The following SLC25A53 variants were observed in gnomAD, a reference collection of about 807,000 sequenced individuals.
SLC25A53 encodes the protein mitochondrial carrier triple repeat protein 6.
In SLC25A53, 5 loss-of-function variants were observed where a neutral mutation model predicts 15.0. That is an observed-to-expected ratio of 0.33 (90% CI 0.17 to 0.70). SLC25A53 has a LOEUF of 0.70. Ranked by LOEUF, SLC25A53 falls within the 30% of genes least tolerant of loss-of-function variation. The pLI is 0.67. For missense variants in SLC25A53, 216 were observed against 241.6 expected, an observed-to-expected ratio of 0.89 and a Z score of 0.70; for synonymous variants, 95 against 100.0, an observed-to-expected ratio of 0.95 and a Z score of 0.30.
intron 1 of SLC25A53, among the ~76,000 whole-genome samples, chrX:104,108,829 A>G (rs2075324808): frequency 8.9e-6 from 1 of 111,878 alleles, no homozygotes; most frequent in African/African-American, 3.3e-5. Context: ...TGGTCTGCTC[A>G]CAAACATGTA....
chrX:104,115,188 A>C, intron 1 of SLC25A53: 1 of 1,210,027 alleles, frequency 8.3e-7, no homozygotes, highest in South Asian at 1.8e-5. Context: ...GCCACTCAAA[A>C]GAAACCTGTG....
intron 1 of SLC25A53, chrX:104,131,149 G>C (rs1417607164): frequency 8.9e-6 from 1 of 111,753 alleles, no homozygotes; most frequent in Non-Finnish European, 1.9e-5. Context: ...TGGGCTGTGC[G>C]TTCTCTCTCC....
chrX:104,151,787 A>G (rs1330271822), intron 1 of SLC25A53, among the ~76,000 whole-genome samples: 1 of 112,145 alleles, frequency 8.9e-6, no homozygotes, highest in Non-Finnish European at 1.9e-5. Context: ...TTAAATCATT[A>G]CTACTCAGGC....
At chrX:104,115,194 C>T (rs782526333) in intron 1 of SLC25A53, 20 of 1,207,692 alleles carry the variant, frequency 1.7e-5, no homozygotes, top group Non-Finnish European at 1.1e-5. Flanking sequence ...CAAAAGAAAC[C>T]TGTGACAATG....
rs1383909484 is a variant in SLC25A53 at position 104,103,757 on chromosome X, C to T, written c.*577G>A. ...TCCAGCCCCACTAGTTCTTGTGGCACCTGACGAGTTCATGCAAGCCTAATT... is the reference window on the plus strand; with the variant it reads ...TCCAGCCCCACTAGTTCTTGTGGCATCTGACGAGTTCATGCAAGCCTAATT... On this transcript the variant is annotated 3_prime_UTR_variant, in exon 2 of 2. Transcript: ENST00000594199. 10 of 112,881 alleles carry T rather than the reference C, an allele frequency of 8.9e-5. No homozygotes were observed. Among genetic ancestry groups the T allele is most frequent in the Admixed American group, 3.7e-4 (4 of 10,728 alleles). 9.3% of individuals were successfully genotyped at this position (112,881 alleles called of 1,213,427 possible).
chrX:104,122,562 GACT>G (rs1221854280), intron 1 of SLC25A53, among the ~76,000 whole-genome samples: 6 of 110,832 alleles, frequency 5.4e-5, no homozygotes, highest in Non-Finnish European at 7.5e-5. Context: ...TCCGTAATGA[GACT>G]ACTTCAGCCC....
chrX:104,119,626 T>C (rs1376935504), intron 1 of SLC25A53, among the ~76,000 whole-genome samples: 1 of 107,814 alleles, frequency 9.3e-6, no homozygotes, highest in Non-Finnish European at 1.9e-5. Context: ...ATTTCATTCT[T>C]ACAACAAGCC....
intron 1 of SLC25A53, among the ~76,000 whole-genome samples, chrX:104,154,018 G>A (rs187239488): frequency 1.8e-5 from 2 of 111,948 alleles, no homozygotes; most frequent in East Asian, 2.8e-4. Flanking sequence ...AAATGTTTCC[G>A]CACAGCAAAG....
chrX:104,104,685 T>G lies in SLC25A53; in HGVS notation c.573A>C (p.Leu191=). ...VLARNSLGSA[L]YFSFKDPIQD... is the part of the protein sequence containing the mutation. The stretch of plus-strand genomic sequence containing the variant: ...GGATGGGGTCCTTGAAAGAAAAATA[T>G]AGAGCACTCCCCAGGCTGTTCCTGG... Residue 191 remains leucine, a synonymous_variant, in exon 2 of 2, where the codon CTA becomes CTC. Coordinates refer to ENST00000594199, the MANE Select transcript of SLC25A53 (RefSeq NM_001012755.5). 8.3e-7 allele frequency: 1 copy of G among 1,211,140 alleles called. No individual in the cohort carries two copies. The highest frequency in any genetic ancestry group is 1.1e-6 in the Non-Finnish European group (1 of 895,309).
chrX:104,151,647 C>T lies in SLC25A53; in HGVS notation c.-32+5231G>A, dbSNP rs142319221. On this transcript the variant is annotated intron_variant, in intron 1 of 1. Transcript: ENST00000594199. Reference sequence around the variant, plus strand: ...GCACACAGAAAATATGGACTGGGAACAATCCCATCTGAACTTGAATTCTGG... The same window carrying T: ...GCACACAGAAAATATGGACTGGGAATAATCCCATCTGAACTTGAATTCTGG... Among the ~76,000 whole-genome samples, 407 of 111,634 alleles carry T rather than the reference C, an allele frequency of 3.6e-3. 1 individual carries two copies. Among genetic ancestry groups the T allele is most frequent in the South Asian group, 0.011 (29 of 2,669 alleles).
At chrX:104,136,363 GA>G (rs1556366464) in intron 1 of SLC25A53, among the ~76,000 whole-genome samples, 2 of 111,373 alleles carry the variant, frequency 1.8e-5, no homozygotes, top group Non-Finnish European at 3.8e-5. Context: ...TGAAGAACTG[GA>G]AACAGCATCA....
At chrX:104,114,946 G>A (rs931399867) in intron 1 of SLC25A53, 3 of 1,197,015 alleles carry the variant, frequency 2.5e-6, no homozygotes, top group Non-Finnish European at 3.4e-6. Flanking sequence ...TGATGAGGAT[G>A]TGATCCTGGT....
intron 1 of SLC25A53, among the ~76,000 whole-genome samples, chrX:104,153,239 A>AGT (rs1284845903): frequency 3.1e-5 from 3 of 98,111 alleles, no homozygotes; most frequent in African/African-American, 8.0e-5. Flanking sequence ...ACAAACCTAG[A>AGT]GTGTGTGTAT....
chrX:104,109,967 A>T (rs1346111290), intron 1 of SLC25A53, among the ~76,000 whole-genome samples: 2 of 72,940 alleles, frequency 2.7e-5, no homozygotes, highest in Admixed American at 1.3e-4. Flanking sequence ...GAACACACTC[A>T]TACATGTGAG....
intron 1 of SLC25A53, among the ~76,000 whole-genome samples, chrX:104,123,082 T>C (rs186113582): frequency 1.1e-3 from 122 of 112,252 alleles, no homozygotes; most frequent in Admixed American, 5.0e-3. Flanking sequence ...TACTGTGCCA[T>C]AGAATGCCAT....
intron 1 of SLC25A53, among the ~76,000 whole-genome samples, chrX:104,142,700 G>C (rs782735232): frequency 9.2e-6 from 1 of 108,326 alleles, no homozygotes; most frequent in South Asian, 4.2e-4. Flanking sequence ...GATTTCTCGA[G>C]GTCAGGAGAT....
intron 1 of SLC25A53, among the ~76,000 whole-genome samples, chrX:104,156,308 T>A (rs1424999719): frequency 9.0e-6 from 1 of 111,138 alleles, no homozygotes; most frequent in Non-Finnish European, 1.9e-5. Context: ...ACAGGATCTA[T>A]CTCTGTCTCC....
intron 1 of SLC25A53, among the ~76,000 whole-genome samples, chrX:104,155,241 C>T (rs2075496992): frequency 9.1e-6 from 1 of 109,463 alleles, no homozygotes; most frequent in Admixed American, 9.8e-5. Flanking sequence ...TCACTGCAAC[C>T]TCTGCCTCCC....
At chrX:104,108,419 A>T (rs1373615926) in intron 1 of SLC25A53, among the ~76,000 whole-genome samples, 1 of 111,366 alleles carries the variant, frequency 9.0e-6, no homozygotes, top group African/African-American at 3.3e-5. Flanking sequence ...GGACTTCACT[A>T]TCTGTCTCCA....
Sources: gnomAD v4.1 joint callset for allele counts (sites outside exome capture counted in the v4.1 genomes callset) on GRCh38, gnomAD v4.1.1 for gene constraint, MANE v1.5 for transcripts, NCBI Gene and HGNC (gene_info 2026-07-23, HGNC 2026-07-21) for gene names.